TNFRSF11A: variants seen among roughly 807,000 people sequenced by gnomAD.
The protein encoded by TNFRSF11A is tumor necrosis factor receptor superfamily member 11A.
Under a neutral mutation model 55.7 loss-of-function variants are expected in TNFRSF11A, and 32 were observed. The ratio of observed to expected loss-of-function variants is 0.57; its 90% CI spans 0.43 to 0.77. TNFRSF11A has a LOEUF of 0.77. Among genes scored for constraint, TNFRSF11A ranks in the 30% least tolerant of loss-of-function variants. The probability of loss-of-function intolerance (pLI) is 0.00; values close to 1 mark genes in which losing one functional copy is unlikely to be tolerated. For missense variants in TNFRSF11A, 753 were observed against 809.8 expected, an observed-to-expected ratio of 0.93 and a Z score of 0.85; for synonymous variants, 311 against 331.0, an observed-to-expected ratio of 0.94 and a Z score of 0.65.
intron 7 of TNFRSF11A, among the ~76,000 whole-genome samples, chr18:62,362,806 C>T (rs547390244): frequency 6.6e-6 from 1 of 152,054 alleles, no homozygotes; most frequent in Non-Finnish European, 1.5e-5. Flanking sequence ...GTTTCACCAT[C>T]CTTTTCCATT....
chr18:62,358,730 T>G (rs1909454961), intron 5 of TNFRSF11A, among the ~76,000 whole-genome samples: 1 of 152,238 alleles, frequency 6.6e-6, no homozygotes, highest in Non-Finnish European at 1.5e-5. Flanking sequence ...GCCTCCTGTT[T>G]ATATAAATGT....
At chr18:62,352,000 T>C (rs1012724439) in intron 3 of TNFRSF11A, among the ~76,000 whole-genome samples, 13 of 152,292 alleles carry the variant, frequency 8.5e-5, no homozygotes, top group Admixed American at 2.6e-4. Context: ...TTTCACCGTG[T>C]GTCCAGGCTG....
At chr18:62,366,851 C>CCA (rs1568488858) in intron 8 of TNFRSF11A, 91 bp downstream of exon 8, 3 of 1,322,548 alleles carry the variant, frequency 2.3e-6, no homozygotes. Flanking sequence ...CACCCCCCCC[C>CCA]ACCCCCACTT....
intron 1 of TNFRSF11A, among the ~76,000 whole-genome samples, chr18:62,333,275 C>G (rs1030795742): frequency 6.6e-6 from 1 of 152,150 alleles, no homozygotes; most frequent in Non-Finnish European, 1.5e-5. Context: ...CAGTCTCCCC[C>G]GGGAACTCGT....
Position 62,368,921 on chromosome 18 carries a change from T to C in TNFRSF11A, c.1004T>C (p.Ile335Thr), listed in dbSNP as rs775402989. Residue 335 changes from isoleucine to threonine, a missense_variant, in exon 9 of 10, where the codon ATA becomes ACA. By Grantham distance (89) the Ile-to-Thr change is moderately conservative. Around this residue, in one of 3 missense-constraint regions of TNFRSF11A, gnomAD observed 567 missense variants for 596.7 expected, o/e 0.95. Coordinates refer to ENST00000586569, the MANE Select transcript of TNFRSF11A (RefSeq NM_003839.4). ...RMLSLVSKTE[I>T]EEDSFRQMPT... ...CTCTCATTGGTCAGCAAGACCGAGATAGAGGAAGACAGCTTCAGACAGATG... is the reference window on the plus strand; with the variant it reads ...CTCTCATTGGTCAGCAAGACCGAGACAGAGGAAGACAGCTTCAGACAGATG... The C allele has an allele frequency of 1.9e-6, 3 of 1,614,202 alleles. No individual in the cohort carries two copies. Among genetic ancestry groups the C allele is most frequent in the South Asian group, 1.1e-5 (1 of 91,086 alleles).
intron 4 of TNFRSF11A, among the ~76,000 whole-genome samples, chr18:62,357,200 G>A (rs1047876424): frequency 2.0e-5 from 3 of 152,126 alleles, no homozygotes; most frequent in Admixed American, 1.3e-4. Context: ...TTTTATTCAC[G>A]AAAGTAAATC....
chr18:62,358,781 A>G (rs758118808), intron 5 of TNFRSF11A, among the ~76,000 whole-genome samples: 2 of 152,090 alleles, frequency 1.3e-5, no homozygotes, highest in African/African-American at 4.8e-5. Flanking sequence ...TTCACATATT[A>G]TATCCTGAAG....
In TNFRSF11A at chr18:62,365,104, G is replaced by A. The variant is rs1332495221; in HGVS notation, c.731-1604G>A. Reference sequence around the variant, plus strand: ...GCCCCCCAAGTAGCTGGGACCACAGGCATGCACCACCATGCCCGGCTAATT... The same window carrying A: ...GCCCCCCAAGTAGCTGGGACCACAGACATGCACCACCATGCCCGGCTAATT... On this transcript the variant is annotated intron_variant, in intron 7 of 9. Transcript: ENST00000586569. 3.9e-5 allele frequency among the ~76,000 whole-genome samples: 6 copies of A among 152,228 alleles called. No individual in the cohort carries two copies. In the East Asian group the frequency reaches 1.2e-3, roughly 29 times the overall value.
chr18:62,328,614 C>A (rs1030070003), intron 1 of TNFRSF11A, among the ~76,000 whole-genome samples: 1 of 152,088 alleles, frequency 6.6e-6, no homozygotes, highest in African/African-American at 2.4e-5. Flanking sequence ...CATGGGGAGA[C>A]CCCTCCGAAG....
chr18:62,377,106 G>A (rs529380688), intron 9 of TNFRSF11A, among the ~76,000 whole-genome samples: 5 of 152,160 alleles, frequency 3.3e-5, no homozygotes, highest in South Asian at 4.2e-4. Context: ...TAGTAGAGAC[G>A]GGGTTTCACT....
At position 62,390,374 on chromosome 18, in the gene TNFRSF11A, C is replaced by A. The variant is rs1195334519; in HGVS notation, c.*5340C>A. ...TTAAAATGGGCATCAGTGTAGGCAACATGTAGGGCGCAAAGAATAGCCAGA... is the reference window on the plus strand; with the variant it reads ...TTAAAATGGGCATCAGTGTAGGCAAAATGTAGGGCGCAAAGAATAGCCAGA... On this transcript the variant is annotated 3_prime_UTR_variant, in exon 10 of 10. Coordinates refer to ENST00000586569, the MANE Select transcript of TNFRSF11A (RefSeq NM_003839.4). 6.6e-6 allele frequency: 1 copy of A among 152,202 alleles called. No homozygotes were observed. The highest frequency in any genetic ancestry group is 6.5e-5 in the Admixed American group (1 of 15,276). 9.4% of individuals were successfully genotyped at this position (152,202 alleles called of 1,614,324 possible). A position where few individuals can be genotyped will look rare whatever the true frequency, so the allele number is the denominator to read the frequency against.
intron 7 of TNFRSF11A, among the ~76,000 whole-genome samples, chr18:62,364,374 G>A (rs1011978073): frequency 2.6e-5 from 4 of 152,146 alleles, no homozygotes; most frequent in African/African-American, 9.7e-5. Context: ...AGCGGCTGCT[G>A]AAGGAGTTTG....
Position 62,368,919 on chromosome 18 carries a change from G to A in TNFRSF11A, c.1002G>A (p.Glu334=), listed in dbSNP as rs770043265. Residue 334 remains glutamate (E), a synonymous_variant, in exon 9 of 10, where the codon GAG becomes GAA. Coordinates refer to ENST00000586569, the MANE Select transcript of TNFRSF11A (RefSeq NM_003839.4). ...ARMLSLVSKT[E]IEEDSFRQMP... The stretch of plus-strand genomic sequence containing the variant: ...TGCTCTCATTGGTCAGCAAGACCGA[G>A]ATAGAGGAAGACAGCTTCAGACAGA... 17 of 1,614,136 alleles carry A rather than the reference G, an allele frequency of 1.1e-5. No individual in the cohort carries two copies. Among genetic ancestry groups the A allele is most frequent in the Non-Finnish European group, 6.8e-6 (8 of 1,180,048 alleles).
At chr18:62,347,731 G>T (rs2046404426) in intron 1 of TNFRSF11A, among the ~76,000 whole-genome samples, 1 of 152,096 alleles carries the variant, frequency 6.6e-6, no homozygotes, top group South Asian at 2.1e-4. Context: ...TGGCCAACAT[G>T]GTGAAACCCC....
At chr18:62,329,427 CT>C (rs1023989733) in intron 1 of TNFRSF11A, among the ~76,000 whole-genome samples, 3 of 152,226 alleles carry the variant, frequency 2.0e-5, no homozygotes, top group Admixed American at 6.5e-5. Context: ...GGGTAGGATT[CT>C]GCCCAGCAGG....
intron 9 of TNFRSF11A, chr18:62,373,020 C>T (rs1033876211): frequency 6.6e-6 from 1 of 152,230 alleles, no homozygotes; most frequent in Admixed American, 6.5e-5. Flanking sequence ...AGGTATCAAT[C>T]ATTTGAGAAA....
chr18:62,336,518 CA>C (rs1386255963), intron 1 of TNFRSF11A: 2 of 152,216 alleles, frequency 1.3e-5, no homozygotes, highest in Non-Finnish European at 2.9e-5. Context: ...GAAGTGACCA[CA>C]GGGCTTGTTG....
At chr18:62,361,214 G>A (rs1176063012) in intron 6 of TNFRSF11A, among the ~76,000 whole-genome samples, 4 of 152,138 alleles carry the variant, frequency 2.6e-5, no homozygotes, top group Admixed American at 1.3e-4. Context: ...ACGTGGTGTC[G>A]GGGATGAAAA....
chr18:62,329,178 G>A (rs2046115635), intron 1 of TNFRSF11A, among the ~76,000 whole-genome samples: 1 of 152,178 alleles, frequency 6.6e-6, no homozygotes, highest in Admixed American at 6.5e-5. Context: ...TAGGAATGTT[G>A]TCTAGGCCAT....
Sources: allele counts gnomAD v4.1 joint callset (sites outside exome capture counted in the v4.1 genomes callset), GRCh38; gene constraint gnomAD v4.1.1; regional missense constraint gnomAD v4.1.1; transcripts MANE v1.5; gene names NCBI Gene and HGNC (gene_info 2026-07-23, HGNC 2026-07-21).